Variants in ULK4 observed in about 807,000 individuals in gnomAD.
The protein encoded by ULK4 is inactive serine/threonine-protein kinase ULK4.
A neutral mutation model predicts 160.6 loss-of-function variants in ULK4; 133 were observed. The observed-to-expected ratio is 0.83, with a 90% confidence interval of 0.72 to 0.96. The LOEUF (loss-of-function observed/expected upper bound fraction) is 0.96, where lower values mean the gene tolerates loss of function less well. ULK4 is among the 40% of genes least tolerant of loss of function. The pLI, the probability that ULK4 is intolerant of heterozygous loss-of-function variation, is 0.00. For missense variants in ULK4, 1,580 were observed against 1,499.5 expected (o/e 1.05, Z -0.89); for synonymous variants, 534 against 539.8 (o/e 0.99, Z 0.15).
At chr3:41,840,700 C>T (rs2041890618) in intron 17 of ULK4, among the ~76,000 whole-genome samples, 1 of 152,212 alleles carries the variant, frequency 6.6e-6, no homozygotes, top group South Asian at 2.1e-4. Flanking sequence ...GGCTGGAGTG[C>T]AGTGGTGTGA....
At chr3:41,761,357 GTAT>G (rs1207816260) in intron 21 of ULK4, among the ~76,000 whole-genome samples, 14 of 148,062 alleles carry the variant, frequency 9.5e-5, no homozygotes, top group South Asian at 8.4e-4. Context: ...ATATGTATAT[GTAT>G]TATATGTATA....
At chr3:41,299,320 C>T (rs890810776) in intron 35 of ULK4, among the ~76,000 whole-genome samples, 4 of 152,186 alleles carry the variant, frequency 2.6e-5, no homozygotes, top group African/African-American at 9.7e-5. Flanking sequence ...ACCCCATTAG[C>T]AGCTGACCAA....
At chr3:41,617,518 C>A (rs2033033454) in intron 30 of ULK4, among the ~76,000 whole-genome samples, 1 of 152,188 alleles carries the variant, frequency 6.6e-6, no homozygotes, top group Non-Finnish European at 1.5e-5. Flanking sequence ...AGTAGACCTG[C>A]AGAAGAGGGG....
chr3:41,959,741 G>A (rs1700608110), intron 1 of ULK4, among the ~76,000 whole-genome samples: 1 of 151,766 alleles, frequency 6.6e-6, no homozygotes, highest in South Asian at 2.1e-4. Flanking sequence ...TTCAAGACCA[G>A]CCTGGGCAAC....
intron 32 of ULK4, among the ~76,000 whole-genome samples, chr3:41,554,551 AG>A (rs1481005002): frequency 2.6e-5 from 4 of 152,126 alleles, no homozygotes; most frequent in Non-Finnish European, 5.9e-5. Flanking sequence ...AGAGGCTGGG[AG>A]GGTAAGTGTT....
At position 41,868,104 on chromosome 3, in the gene ULK4, G is replaced by T. The variant is rs143916994; in HGVS notation, c.1656+15770C>A. On this transcript the variant is annotated intron_variant, in intron 17 of 36. Transcript: ENST00000301831. ...AGGTATTGTATAATCGTGGGAATTA[G>T]CATTCTATAAATGTTATTTCAATTT... Among the ~76,000 whole-genome samples the T allele has an allele frequency of 5.9e-3, 899 of 152,202 alleles. 10 individuals carry two copies. The highest frequency in any genetic ancestry group is 0.02 in the African/African-American group (850 of 41,538).
rs189667049 is a variant in ULK4, at chr3:41,261,112, G to A, written c.3679-11538C>T. Among the ~76,000 whole-genome samples, 53 of 152,260 alleles carry A rather than the reference G, an allele frequency of 3.5e-4. No individual in the cohort carries two copies. The Middle Eastern group carries it at 0.01, about 29-fold the overall frequency. ...GTACACAGGGCATTAGTAGATGTGCGGGGGCAAAGTTGACAAAACCCAGAT... is the reference window on the plus strand; with the variant it reads ...GTACACAGGGCATTAGTAGATGTGCAGGGGCAAAGTTGACAAAACCCAGAT... On this transcript the variant is annotated intron_variant, in intron 35 of 36. Coordinates refer to ENST00000301831, the MANE Select transcript of ULK4 (RefSeq NM_017886.4).
At chr3:41,737,040 C>G (rs2038078495) in intron 22 of ULK4, among the ~76,000 whole-genome samples, 1 of 151,858 alleles carries the variant, frequency 6.6e-6, no homozygotes, top group Non-Finnish European at 1.5e-5. Flanking sequence ...CTGTTCTGTT[C>G]CATTGGTCTA....
chr3:41,335,632 C>A (rs946061119), intron 35 of ULK4, among the ~76,000 whole-genome samples: 13 of 152,060 alleles, frequency 8.5e-5, no homozygotes, highest in Non-Finnish European at 1.2e-4. Context: ...TTGAAGAACA[C>A]TGCCTGATGC....
chr3:41,782,676 C>T (rs1435744578), intron 21 of ULK4, among the ~76,000 whole-genome samples: 2 of 152,136 alleles, frequency 1.3e-5, no homozygotes, highest in African/African-American at 4.8e-5. Flanking sequence ...TTTGCAAGTA[C>T]ATATAAAACT....
intron 31 of ULK4, among the ~76,000 whole-genome samples, chr3:41,592,359 C>A (rs1322709883): frequency 6.6e-6 from 1 of 152,166 alleles, no homozygotes; most frequent in Non-Finnish European, 1.5e-5. Flanking sequence ...TTCTGCCTTG[C>A]CTCACAGGGG....
chr3:41,953,277 T>C (rs9841221), intron 2 of ULK4, among the ~76,000 whole-genome samples: 87 of 22,032 alleles, frequency 3.9e-3, no homozygotes, highest in Admixed American at 0.016. Flanking sequence ...CATATATACA[T>C]ATATACACAT....
intron 30 of ULK4, among the ~76,000 whole-genome samples, chr3:41,652,933 A>G (rs756583837): frequency 1.3e-5 from 2 of 152,212 alleles, no homozygotes; most frequent in Non-Finnish European, 2.9e-5. Context: ...TAGGACACAC[A>G]AATTACTGCT....
At chr3:41,440,207 G>A (rs917420413) in intron 34 of ULK4, among the ~76,000 whole-genome samples, 1 of 152,066 alleles carries the variant, frequency 6.6e-6, no homozygotes, top group Non-Finnish European at 1.5e-5. Context: ...TTGTTTGATT[G>A]CACTGGCAGG....
chr3:41,570,504 T>C (rs1237892978), intron 31 of ULK4, among the ~76,000 whole-genome samples: 1 of 55,710 alleles, frequency 1.8e-5, no homozygotes, highest in Non-Finnish European at 3.7e-5. Context: ...AAAGTGGAGC[T>C]AATAAATCTT....
In ULK4 at chr3:41,916,411, TAG is replaced by T. The variant is rs142909618; in HGVS notation, c.728-361_728-360del. Among the ~76,000 whole-genome samples the T allele has an allele frequency of 8.1e-3, 1,240 of 152,248 alleles. 12 individuals carry two copies. The highest frequency in any genetic ancestry group is 0.029 in the African/African-American group (1,193 of 41,530). On this transcript the variant is annotated intron_variant, in intron 7 of 36. Transcript: ENST00000301831. Reference sequence around the variant, plus strand: ...ACTATTTTGGGGGAGTTTTTTGAGATAGAGTCTTGCTCTGTCACCCAGGGTGG... The same window carrying T: ...ACTATTTTGGGGGAGTTTTTTGAGATAGTCTTGCTCTGTCACCCAGGGTGG...
chr3:41,353,741 CTA>C (rs2080970796), intron 35 of ULK4, among the ~76,000 whole-genome samples: 3 of 147,482 alleles, frequency 2.0e-5, no homozygotes, highest in Non-Finnish European at 3.0e-5. Flanking sequence ...ACTACTACTA[CTA>C]CTACTACTAA....
At position 41,566,140 on chromosome 3, in the gene ULK4, A is replaced by T; in HGVS notation, c.3121-10T>A. 1.2e-6 allele frequency: 2 copies of T among 1,603,460 alleles called. No homozygotes were observed. The highest frequency in any genetic ancestry group is 1.7e-6 in the Non-Finnish European group (2 of 1,172,692). ...TGCTCTCCTGATGTTCCTGCAATAG[A>T]TCATAATTTCCATCATAACCATACA... On this transcript the variant is annotated splice_polypyrimidine_tract_variant and intron_variant, in intron 31 of 36. Transcript: ENST00000301831.
chr3:41,449,611 C>G (rs1690366779), intron 34 of ULK4, among the ~76,000 whole-genome samples: 1 of 151,984 alleles, frequency 6.6e-6, no homozygotes, highest in South Asian at 2.1e-4. Flanking sequence ...GTATTTCATG[C>G]CACTGACTGT....
Sources: allele counts gnomAD v4.1 joint callset (sites outside exome capture counted in the v4.1 genomes callset), GRCh38; gene constraint gnomAD v4.1.1; transcripts MANE v1.5; gene names NCBI Gene and HGNC (gene_info 2026-07-23, HGNC 2026-07-21).